Variants in RYR3 observed in about 807,000 individuals in gnomAD.
RYR3 encodes the protein brain ryanodine receptor-calcium release channel.
A neutral mutation model predicts 584.3 loss-of-function variants in RYR3; 207 were observed. The ratio of observed to expected loss-of-function variants is 0.35; its 90% CI spans 0.32 to 0.40. The LOEUF (loss-of-function observed/expected upper bound fraction) is 0.40. Ranked by LOEUF, RYR3 falls within the 10% of genes least tolerant of loss-of-function variation. The probability of loss-of-function intolerance (pLI) is 1.00; values close to 1 mark genes in which losing one functional copy is unlikely to be tolerated. For synonymous variants in RYR3, 2,416 were observed against 2,248.5 expected (o/e 1.07, Z -2.11); for missense variants, 5,616 against 6,089.2 (o/e 0.92, Z 2.59).
chr15:33,663,078 C>A, intron 35 of RYR3, 130 bp downstream of exon 35: 2 of 769,992 alleles, frequency 2.6e-6, no homozygotes, highest in Non-Finnish European at 4.3e-6. Context: ...ACCAAGAGTG[C>A]TTGATGATTA....
At chr15:33,784,796 C>T (rs2074603400) in intron 65 of RYR3, among the ~76,000 whole-genome samples, 2 of 152,208 alleles carry the variant, frequency 1.3e-5, no homozygotes, top group Admixed American at 1.3e-4. Context: ...GTCTTCCTCC[C>T]ATCTTGCAGG....
chr15:33,561,546 C>T (rs960923570), intron 10 of RYR3, among the ~76,000 whole-genome samples: 2 of 152,082 alleles, frequency 1.3e-5, no homozygotes, highest in African/African-American at 4.8e-5. Flanking sequence ...AGTTAATCCA[C>T]GTAAAGAACT....
intron 1 of RYR3, among the ~76,000 whole-genome samples, chr15:33,332,608 C>T (rs927842823): frequency 2.0e-5 from 3 of 151,876 alleles, no homozygotes; most frequent in Non-Finnish European, 2.9e-5. Context: ...TCTCTCATTA[C>T]AGAACAATTT....
chr15:33,853,132 G>T, intron 95 of RYR3, 45 bp downstream of exon 95: 2 of 1,486,132 alleles, frequency 1.3e-6, no homozygotes, highest in Non-Finnish European at 1.8e-6. Context: ...ACCAAAAAAT[G>T]TGGTGTATGT....
intron 96 of RYR3, 142 bp from the exon 97 acceptor site, chr15:33,854,246 TG>T: frequency 1.5e-6 from 1 of 654,970 alleles, no homozygotes. Context: ...TCTTGTCTCA[TG>T]GGGAGCACAT....
intron 38 of RYR3, among the ~76,000 whole-genome samples, chr15:33,695,205 A>G (rs2065751884): frequency 6.6e-6 from 1 of 152,182 alleles, no homozygotes; most frequent in African/African-American, 2.4e-5. Flanking sequence ...TTTGTGATTT[A>G]AGAGCAGCAT....
intron 1 of RYR3, among the ~76,000 whole-genome samples, chr15:33,462,806 G>A (rs147312648): frequency 0.021 from 3,235 of 152,096 alleles, 54 homozygotes; most frequent in Non-Finnish European, 0.026. Context: ...ATCATATGAT[G>A]GAGACACAGC....
At chr15:33,325,115 TG>T (rs751989343) in intron 1 of RYR3, among the ~76,000 whole-genome samples, 3 of 152,240 alleles carry the variant, frequency 2.0e-5, no homozygotes, top group Non-Finnish European at 4.4e-5. Context: ...TTCATATTTT[TG>T]TATTTCTTTG....
chr15:33,833,221 C>T (rs2077813243), intron 86 of RYR3, among the ~76,000 whole-genome samples: 1 of 152,138 alleles, frequency 6.6e-6, no homozygotes, highest in South Asian at 2.1e-4. Context: ...TGTTTTTTAC[C>T]TTTTCCTGTA....
chr15:33,841,791 T>C, intron 90 of RYR3, 73 bp from the exon 91 acceptor site: 2 of 1,463,748 alleles, frequency 1.4e-6, no homozygotes, highest in East Asian at 2.5e-5. Context: ...AGATTTCTCT[T>C]TAATCTAGTC....
chr15:33,861,850 C>T (rs1366317272), intron 102 of RYR3, among the ~76,000 whole-genome samples: 2 of 152,134 alleles, frequency 1.3e-5, no homozygotes, highest in Non-Finnish European at 2.9e-5. Flanking sequence ...GTCTTGAACT[C>T]CTGACCTCAG....
chr15:33,716,615 A>G (rs1248114187), intron 43 of RYR3, among the ~76,000 whole-genome samples: 1 of 152,220 alleles, frequency 6.6e-6, no homozygotes, highest in African/African-American at 2.4e-5. Context: ...ACCTAGGCCC[A>G]GAGCACCAAA....
At chr15:33,603,775 G>C (rs2059783442) in intron 18 of RYR3, among the ~76,000 whole-genome samples, 1 of 152,184 alleles carries the variant, frequency 6.6e-6, no homozygotes, top group Non-Finnish European at 1.5e-5. Flanking sequence ...GAAGCATAAA[G>C]ATGGTTCAGT....
intron 3 of RYR3, among the ~76,000 whole-genome samples, chr15:33,523,707 C>T (rs76957619): frequency 0.025 from 3,874 of 152,152 alleles, 64 homozygotes; most frequent in Non-Finnish European, 0.04. Context: ...GGGAATGCAC[C>T]AAGTCCCCAA....
intron 23 of RYR3, among the ~76,000 whole-genome samples, chr15:33,632,299 G>A (rs1436822943): frequency 6.6e-6 from 1 of 152,180 alleles, no homozygotes; most frequent in African/African-American, 2.4e-5. Flanking sequence ...GCTTTCCTAA[G>A]GTTTCACTCC....
chr15:33,537,189 G>A (rs2055402134), intron 5 of RYR3, among the ~76,000 whole-genome samples: 1 of 152,122 alleles, frequency 6.6e-6, no homozygotes, highest in African/African-American at 2.4e-5. Flanking sequence ...ACCCAATCAT[G>A]TATTCATTTT....
At chr15:33,697,402 G>C (rs955599581) in intron 39 of RYR3, among the ~76,000 whole-genome samples, 8 of 152,208 alleles carry the variant, frequency 5.3e-5, no homozygotes, top group African/African-American at 1.9e-4. Context: ...CTCAAGAGAA[G>C]GGGAATGGGC....
intron 42 of RYR3, among the ~76,000 whole-genome samples, chr15:33,704,571 CAA>C (rs1474395117): frequency 6.6e-6 from 1 of 152,152 alleles, no homozygotes; most frequent in African/African-American, 2.4e-5. Context: ...AGACCTCAGC[CAA>C]ACTCTGTTAT....
chr15:33,572,654 T>C lies in RYR3; in HGVS notation c.1268+5855T>C, dbSNP rs374419968. 6.8e-4 allele frequency among the ~76,000 whole-genome samples: 82 copies of C among 121,160 alleles called. 2 individuals are homozygous for C. Among genetic ancestry groups the C allele is most frequent in the Middle Eastern group, 8.3e-3 (2 of 240 alleles). The allele number at this position is 121,160 out of a possible 152,430, so 79.5% of individuals were successfully genotyped here. A position where few individuals can be genotyped will look rare whatever the true frequency, so the allele number is the denominator to read the frequency against. Reference sequence around the variant, plus strand: ...TCATTAAATTAAAAAAAAAAAACTATATATACACACACACACACACACACA... The same window carrying C: ...TCATTAAATTAAAAAAAAAAAACTACATATACACACACACACACACACACA... On this transcript the variant is annotated intron_variant, in intron 12 of 103. Transcript: ENST00000634891.
Sources: gnomAD v4.1 joint callset for allele counts (sites outside exome capture counted in the v4.1 genomes callset) on GRCh38, gnomAD v4.1.1 for gene constraint, MANE v1.5 for transcripts, NCBI Gene and HGNC (gene_info 2026-07-23, HGNC 2026-07-21) for gene names.